Variants in DNAH8 observed in about 807,000 individuals in gnomAD.
DNAH8 encodes the protein axonemal beta dynein heavy chain 8.
In DNAH8, 382 loss-of-function variants were observed where a neutral mutation model predicts 562.1. That is an observed-to-expected ratio of 0.68 (90% confidence interval 0.63 to 0.74). The LOEUF (loss-of-function observed/expected upper bound fraction) is 0.74. DNAH8 is among the 30% of genes least tolerant of loss of function. The probability of loss-of-function intolerance (pLI) is 0.00; values close to 1 mark genes in which losing one functional copy is unlikely to be tolerated. For missense variants in DNAH8, 5,203 were observed against 5,620.4 expected (o/e 0.93, Z 2.37); for synonymous variants, 1,881 against 1,919.4 (o/e 0.98, Z 0.52).
At chr6:38,792,067 A>G (rs1769806705) in intron 21 of DNAH8, among the ~76,000 whole-genome samples, 1 of 151,962 alleles carries the variant, frequency 6.6e-6, no homozygotes. Context: ...TCCTATATCC[A>G]GCCAGTCCTG....
At chr6:38,967,857 T>G (rs1257863565) in intron 82 of DNAH8, among the ~76,000 whole-genome samples, 1 of 152,168 alleles carries the variant, frequency 6.6e-6, no homozygotes, top group African/African-American at 2.4e-5. Flanking sequence ...ATAGGACTTA[T>G]GCTTCCCAAA....
chr6:38,772,535 A>G (rs1388394299), intron 12 of DNAH8, among the ~76,000 whole-genome samples: 2 of 152,098 alleles, frequency 1.3e-5, no homozygotes, highest in Non-Finnish European at 2.9e-5. Flanking sequence ...CTTTGCATAT[A>G]TTTAACTGAG....
At chr6:38,947,558 C>A (rs774381374) in intron 80 of DNAH8, among the ~76,000 whole-genome samples, 1 of 152,056 alleles carries the variant, frequency 6.6e-6, no homozygotes, top group Non-Finnish European at 1.5e-5. Context: ...AATAGTCATC[C>A]GCTTTCTTCC....
intron 75 of DNAH8, 114 bp downstream of exon 75, chr6:38,929,780 T>C (rs1782418247): frequency 1.0e-6 from 1 of 995,316 alleles, no homozygotes; most frequent in African/African-American, 1.7e-5. Context: ...CTACTTATCT[T>C]ATTGAGCATA....
intron 21 of DNAH8, among the ~76,000 whole-genome samples, chr6:38,800,182 G>A (rs72849975): frequency 0.34 from 51,182 of 151,582 alleles, 9,301 homozygotes; most frequent in Admixed American, 0.41. Context: ...TTTGGCTACT[G>A]TAAAGAATGC....
chr6:38,864,011 A>C lies in DNAH8; in HGVS notation c.6449A>C (p.Asp2150Ala), dbSNP rs1022918229. 1 of 1,609,808 alleles carries C rather than the reference A, an allele frequency of 6.2e-7. No homozygotes were observed. Among genetic ancestry groups the C allele is most frequent in the African/African-American group, 1.3e-5 (1 of 74,746 alleles). ...KERKKQFIFS[D>A]GDCVDLNPEF... ...AGAAAGAAACAGTTCATTTTTTCTG[A>C]TGGTGATTGTGTTGATTTAAATCCA... Residue 2150 changes from aspartate to alanine, a missense_variant, in exon 45 of 93, where the codon GAT (aspartate) becomes GCT (alanine). Asp to Ala is a moderately radical substitution (Grantham distance 126). Around this residue, in one of 6 missense-constraint regions of DNAH8, gnomAD observed 2,176 missense variants for 2,365.1 expected, o/e 0.92. Coordinates refer to ENST00000327475, the MANE Select transcript of DNAH8 (RefSeq NM_001206927.2).
At chr6:38,895,992 C>A in intron 59 of DNAH8, 41 bp from the exon 60 acceptor site, 1 of 1,543,668 alleles carries the variant, frequency 6.5e-7, no homozygotes, top group African/African-American at 1.4e-5. Flanking sequence ...AGAAAAGATG[C>A]TTTCATATTT....
intron 91 of DNAH8, among the ~76,000 whole-genome samples, chr6:39,020,420 G>T (rs1766836768): frequency 1.3e-5 from 2 of 152,130 alleles, no homozygotes; most frequent in South Asian, 2.1e-4. Context: ...ATCACCCAGG[G>T]AGCTTTTAAC....
chr6:38,805,579 G>T lies in DNAH8; in HGVS notation c.3133G>T (p.Glu1045Ter). Reference protein sequence around the residue: ...IVNEFDTHDKEDEFKKECKEV... With the variant: ...IVNEFDTHDK Reference sequence around the variant, plus strand: ...GAATGAGTTTGATACTCATGATAAAGAAGATGAATTTAAAAAGGTATTTAT... The same window carrying T: ...GAATGAGTTTGATACTCATGATAAATAAGATGAATTTAAAAAGGTATTTAT... The change falls in exon 23 of 93, where the codon GAA (glutamate) becomes TAA (stop). Residue 1045 changes from glutamate to a stop codon, truncating the protein, a stop_gained. Transcript: ENST00000327475. LOFTEE classifies it high-confidence loss of function. The T allele has an allele frequency of 6.4e-7, 1 of 1,559,514 alleles. No homozygotes were observed. The highest frequency in any genetic ancestry group is 8.8e-7 in the Non-Finnish European group (1 of 1,131,092).
chr6:38,731,001 T>C (rs17552381), intron 4 of DNAH8, among the ~76,000 whole-genome samples: 26,332 of 152,154 alleles, frequency 0.17, 2,871 homozygotes, highest in Non-Finnish European at 0.25. Context: ...CCTATCTCAT[T>C]TACAGTATCC....
chr6:38,923,097 C>T lies in DNAH8; in HGVS notation c.10702C>T (p.Gln3568Ter), dbSNP rs1554136601. Residue 3568 changes from glutamine to a stop codon, truncating the protein, a stop_gained, in exon 72 of 93, where the codon CAG becomes TAG. Coordinates refer to ENST00000327475, the MANE Select transcript of DNAH8 (RefSeq NM_001206927.2). LOFTEE classifies it high-confidence loss of function. ...NDADTCRKKM[Q>*]AASTLIDGLS... ...CGCTGATACGTGCCGGAAAAAGATG[C>T]AGGCCGCCTCCACTCTCATCGATGG... 7 of 1,613,552 alleles carry T rather than the reference C, an allele frequency of 4.3e-6. No individual in the cohort carries two copies. The highest frequency in any genetic ancestry group is 5.9e-6 in the Non-Finnish European group (7 of 1,179,732).
At chr6:38,876,224 G>C (rs914324515) in intron 53 of DNAH8, among the ~76,000 whole-genome samples, 1 of 152,212 alleles carries the variant, frequency 6.6e-6, no homozygotes, top group African/African-American at 2.4e-5. Flanking sequence ...AGAATGAGTA[G>C]AGAATGAACG....
intron 30 of DNAH8, among the ~76,000 whole-genome samples, chr6:38,828,961 T>C (rs1773599157): frequency 6.6e-6 from 1 of 152,188 alleles, no homozygotes; most frequent in African/African-American, 2.4e-5. Context: ...TTTCTGGACA[T>C]TTAATGTAGA....
At position 38,781,288 on chromosome 6, in the gene DNAH8, C is replaced by G. The variant is rs61757621; in HGVS notation, c.2174C>G (p.Ala725Gly). Residue 725 changes from alanine to glycine, a missense_variant, in exon 16 of 93, where the codon GCT (alanine) becomes GGT (glycine). By Grantham distance (60) the Ala-to-Gly change is moderately conservative. Transcript: ENST00000327475. ...YHSQKDDPPL[A>G]RNMPPIAGKI... ...TCTCAGAAAGATGACCCCCCTCTTGCTCGCAACATGCCCCCTATAGCAGGA... is the reference window on the plus strand; with the variant it reads ...TCTCAGAAAGATGACCCCCCTCTTGGTCGCAACATGCCCCCTATAGCAGGA... 4,190 of 1,613,844 alleles carry G rather than the reference C, an allele frequency of 2.6e-3. 9 individuals carry two copies. The highest frequency in any genetic ancestry group is 3.4e-3 in the Non-Finnish European group (4,014 of 1,179,870).
chr6:38,899,147 A>G (rs1779898083), intron 61 of DNAH8, among the ~76,000 whole-genome samples: 1 of 152,174 alleles, frequency 6.6e-6, no homozygotes, highest in African/African-American at 2.4e-5. Flanking sequence ...GCTTTTTAGC[A>G]ATGTCTTCAA....
At chr6:38,827,607 T>A (rs1402822594) in intron 29 of DNAH8, among the ~76,000 whole-genome samples, 2 of 152,000 alleles carry the variant, frequency 1.3e-5, no homozygotes, top group African/African-American at 4.8e-5. Context: ...ATGAACTTTT[T>A]ACTTTTACTG....
At chr6:39,025,972 T>C (rs534375358) in intron 91 of DNAH8, among the ~76,000 whole-genome samples, 1 of 152,242 alleles carries the variant, frequency 6.6e-6, no homozygotes, top group South Asian at 2.1e-4. Context: ...TAACTGCATA[T>C]TGTCTTAAAA....
At chr6:38,789,989 T>A in intron 19 of DNAH8, 106 bp downstream of exon 19, 1 of 789,824 alleles carries the variant, frequency 1.3e-6, no homozygotes, top group Non-Finnish European at 2.0e-6. Context: ...AGACCCTCCA[T>A]CTTTCTAGTT....
chr6:38,854,910 GTATT>G (rs1457571573), intron 41 of DNAH8, among the ~76,000 whole-genome samples: 1 of 147,950 alleles, frequency 6.8e-6, no homozygotes, highest in African/African-American at 2.5e-5. Context: ...TAAATACAAA[GTATT>G]TTTACAATGT....
Sources: gnomAD v4.1 joint callset for allele counts (sites outside exome capture counted in the v4.1 genomes callset) on GRCh38, gnomAD v4.1.1 for gene constraint, gnomAD v4.1.1 regional missense constraint, MANE v1.5 for transcripts, NCBI Gene and HGNC (gene_info 2026-07-23, HGNC 2026-07-21) for gene names.